LATS2: variants seen among roughly 807,000 people sequenced by gnomAD.
The protein encoded by LATS2 is large tumor suppressor kinase 2.
In LATS2, 24 loss-of-function variants were observed where a neutral mutation model predicts 76.0. The ratio of observed to expected loss-of-function variants is 0.32; its 90% confidence interval spans 0.23 to 0.44. LATS2 has a LOEUF of 0.44. Among genes scored for constraint, LATS2 ranks in the 20% least tolerant of loss-of-function variants. LATS2 has a pLI of 1.00. For missense variants in LATS2, 1,286 were observed against 1,481.2 expected, an observed-to-expected ratio of 0.87 and a Z score of 2.16; for synonymous variants, 692 against 635.4, an observed-to-expected ratio of 1.09 and a Z score of -1.34.
intron 7 of LATS2, among the ~76,000 whole-genome samples, chr13:20,978,578 T>C (rs570127529): frequency 6.6e-5 from 10 of 152,302 alleles, no homozygotes; most frequent in African/African-American, 2.4e-4. Context: ...TAGATACAGT[T>C]GACCCTTGAA....
intron 1 of LATS2, among the ~76,000 whole-genome samples, chr13:21,054,270 C>T (rs1379860039): frequency 6.6e-6 from 1 of 152,018 alleles, no homozygotes; most frequent in African/African-American, 2.4e-5. Flanking sequence ...ACCAGCCTGG[C>T]CAACATGGCA....
At chr13:21,031,215 T>G (rs1872520069) in intron 2 of LATS2, among the ~76,000 whole-genome samples, 1 of 152,240 alleles carries the variant, frequency 6.6e-6, no homozygotes, top group East Asian at 1.9e-4. Flanking sequence ...CTTGGTTTAT[T>G]AAGCTTCTTA....
At position 20,987,912 on chromosome 13, in the gene LATS2, C is replaced by T. The variant is rs990247058; in HGVS notation, c.1868G>A (p.Arg623Gln). ...VIKTYQQKVN[R>Q]RLQLEQEMAK... ...CATTTCTTGCTCCAGCTGCAGCCTC[C>T]GGTTAACCTTCTGCTGGTAGGTTTT... The change falls in exon 4 of 8, where the codon CGG becomes CAG. Residue 623 changes from arginine (R) to glutamine (Q), a missense_variant. By Grantham distance (43) the Arg-to-Gln change is conservative (BLOSUM62 1). This residue lies in a region of LATS2 where 247 missense variants were observed against 385.4 expected (regional missense o/e 0.64). Coordinates refer to ENST00000382592, the MANE Select transcript of LATS2 (RefSeq NM_014572.3). The T allele has an allele frequency of 4.3e-6, 7 of 1,613,486 alleles. No individual in the cohort carries two copies. Among genetic ancestry groups the T allele is most frequent in the Non-Finnish European group, 5.9e-6 (7 of 1,179,598 alleles).
chr13:21,044,387 T>G (rs1188439144), intron 2 of LATS2, among the ~76,000 whole-genome samples: 1 of 152,224 alleles, frequency 6.6e-6, no homozygotes, highest in Non-Finnish European at 1.5e-5. Flanking sequence ...AAACCAGAAG[T>G]GCTCAGGCCA....
At chr13:21,002,319 T>C (rs2138320675) in intron 2 of LATS2, among the ~76,000 whole-genome samples, 1 of 152,262 alleles carries the variant, frequency 6.6e-6, no homozygotes, top group East Asian at 1.9e-4. Context: ...GTCTGCTATG[T>C]ATAATCTGGA....
chr13:21,028,514 A>G (rs1391775677), intron 2 of LATS2, among the ~76,000 whole-genome samples: 1 of 152,202 alleles, frequency 6.6e-6, no homozygotes, highest in Non-Finnish European at 1.5e-5. Flanking sequence ...TCTTGCACAT[A>G]TTTTGTTAAA....
rs756870991 is a variant in LATS2, at chr13:21,002,524, T to G, written c.343-11120A>C. 3.2e-4 allele frequency among the ~76,000 whole-genome samples: 49 copies of G among 151,790 alleles called. No individual in the cohort carries two copies. In the East Asian group the frequency reaches 4.5e-3, roughly 14 times the overall value. ...AGAGTAGTTGGGACTACAGGTGCGTTACCACCACACCCAGCTAATTTTCTG... is the reference window on the plus strand; with the variant it reads ...AGAGTAGTTGGGACTACAGGTGCGTGACCACCACACCCAGCTAATTTTCTG... On this transcript the variant is annotated intron_variant, in intron 2 of 7. Transcript: ENST00000382592.
intron 2 of LATS2, among the ~76,000 whole-genome samples, chr13:21,010,427 C>A (rs1212574330): frequency 6.6e-6 from 1 of 152,074 alleles, no homozygotes. Flanking sequence ...TCTACAGGCC[C>A]CACCCTATAG....
chr13:21,049,313 A>G (rs1039420204), intron 1 of LATS2, among the ~76,000 whole-genome samples: 1 of 152,120 alleles, frequency 6.6e-6, no homozygotes, highest in African/African-American at 2.4e-5. Context: ...GCCTGAGTGG[A>G]AGGTGGGCTT....
intron 2 of LATS2, among the ~76,000 whole-genome samples, chr13:20,999,271 AG>A (rs1443137139): frequency 6.6e-6 from 1 of 152,222 alleles, no homozygotes; most frequent in Non-Finnish European, 1.5e-5. Context: ...GTGGCGCCGC[AG>A]GCCCCCGAAC....
At chr13:21,028,037 G>A (rs1025593052) in intron 2 of LATS2, among the ~76,000 whole-genome samples, 4 of 151,740 alleles carry the variant, frequency 2.6e-5, no homozygotes, top group African/African-American at 4.8e-5. Flanking sequence ...CCATTAACTC[G>A]TCATTTAGCA....
Position 20,975,207 on chromosome 13 carries a change from T to C in LATS2, c.2930A>G (p.Asp977Gly), listed in dbSNP as rs776575412. The C allele has an allele frequency of 6.2e-7, 1 of 1,614,074 alleles. No individual in the cohort carries two copies. Among genetic ancestry groups the C allele is most frequent in the Non-Finnish European group, 8.5e-7 (1 of 1,179,996 alleles). ...CTGCTTCCGGATGTCACTGGAGAAGTCAATGGCGCTGAAGAAGGGGTGGGC... is the reference window on the plus strand; with the variant it reads ...CTGCTTCCGGATGTCACTGGAGAAGCCAATGGCGCTGAAGAAGGGGTGGGC... Reference protein sequence around the residue: ...LKAHPFFSAIDFSSDIRKQPA... With the variant: ...LKAHPFFSAIGFSSDIRKQPA... The change falls in exon 8 of 8, where the codon GAC becomes GGC. Residue 977 changes from aspartate to glycine, a missense_variant. Physicochemically the swap from Asp to Gly is moderately conservative, Grantham distance 94. Around this residue, in one of 5 missense-constraint regions of LATS2, gnomAD observed 210 missense variants for 234.9 expected, o/e 0.89. Coordinates refer to ENST00000382592, the MANE Select transcript of LATS2 (RefSeq NM_014572.3).
Position 20,988,089 on chromosome 13 carries a change from T to A in LATS2, c.1691A>T (p.Asp564Val). The A allele has an allele frequency of 3.7e-6, 6 of 1,614,272 alleles. No homozygotes were observed. Among genetic ancestry groups the A allele is most frequent in the East Asian group, 2.2e-5 (1 of 44,882 alleles). Residue 564 changes from aspartate (D) to valine (V), a missense_variant, in exon 4 of 8, where the codon GAC becomes GTC. This residue lies in a region of LATS2 where 710 missense variants were observed against 660.9 expected (regional missense o/e 1.07). Coordinates refer to ENST00000382592, the MANE Select transcript of LATS2 (RefSeq NM_014572.3). ...GDKSRKSAKG[D>V]KGGKDKKQIQ... Reference sequence around the variant, plus strand: ...CTGCTTTTTATCCTTTCCGCCTTTGTCCCCCTTGGCGCTTTTGCGGCTCTT... The same window carrying A: ...CTGCTTTTTATCCTTTCCGCCTTTGACCCCCTTGGCGCTTTTGCGGCTCTT...
intron 2 of LATS2, among the ~76,000 whole-genome samples, chr13:21,008,918 G>T (rs1871463549): frequency 6.6e-6 from 1 of 152,106 alleles, no homozygotes; most frequent in Non-Finnish European, 1.5e-5. Context: ...GGGAAAACTG[G>T]AAACTATCTA....
At chr13:21,054,169 G>A (rs754335873) in intron 1 of LATS2, among the ~76,000 whole-genome samples, 1 of 152,104 alleles carries the variant, frequency 6.6e-6, no homozygotes, top group Non-Finnish European at 1.5e-5. Flanking sequence ...ATAGCTACAC[G>A]GCTGGGTGCA....
chr13:21,050,784 C>G (rs1177931588), intron 1 of LATS2, among the ~76,000 whole-genome samples: 1 of 152,140 alleles, frequency 6.6e-6, no homozygotes, highest in African/African-American at 2.4e-5. Flanking sequence ...CTGGCAGAGC[C>G]CCTGGAGAGA....
intron 2 of LATS2, among the ~76,000 whole-genome samples, chr13:21,037,230 C>G (rs1872712014): frequency 6.6e-6 from 1 of 152,150 alleles, no homozygotes; most frequent in East Asian, 1.9e-4. Context: ...CATGGTGAAA[C>G]CCCATCTCTA....
chr13:20,989,362 C>T, intron 3 of LATS2, 58 bp from the exon 4 acceptor site: 1 of 1,579,816 alleles, frequency 6.3e-7, no homozygotes, highest in Non-Finnish European at 8.7e-7. Context: ...TGGGTTCTGG[C>T]ACTTCCAGGC....
At chr13:21,025,832 G>A (rs910432833) in intron 2 of LATS2, among the ~76,000 whole-genome samples, 1 of 152,200 alleles carries the variant, frequency 6.6e-6, no homozygotes, top group Non-Finnish European at 1.5e-5. Context: ...GAGCTGTGGA[G>A]ATGCTACTGA....
Sources: gnomAD v4.1 joint callset for allele counts (sites outside exome capture counted in the v4.1 genomes callset) on GRCh38, gnomAD v4.1.1 for gene constraint, gnomAD v4.1.1 regional missense constraint, MANE v1.5 for transcripts, NCBI Gene and HGNC (gene_info 2026-07-23, HGNC 2026-07-21) for gene names.